PPP1R3A: variants seen among roughly 807,000 people sequenced by gnomAD.
PPP1R3A encodes RG1.
In PPP1R3A, 29 loss-of-function variants were observed where a neutral mutation model predicts 41.7. The observed-to-expected ratio is 0.70, with a 90% confidence interval of 0.52 to 0.95. The LOEUF (loss-of-function observed/expected upper bound fraction) is 0.95. Ranked by LOEUF, PPP1R3A falls within the 40% of genes least tolerant of loss-of-function variation. The pLI is 0.00. For synonymous variants in PPP1R3A, 485 were observed against 453.4 expected, an observed-to-expected ratio of 1.07 and a Z score of -0.89; for missense variants, 1,352 against 1,292.4, an observed-to-expected ratio of 1.05 and a Z score of -0.71.
chr7:113,880,143 A>G lies in PPP1R3A; in HGVS notation c.967-18T>C, dbSNP rs763715418. ...TGATTTATCTTATGGGATAAAAACAACAAAGAAATAATGACCATAAGATCT... is the reference window on the plus strand; with the variant it reads ...TGATTTATCTTATGGGATAAAAACAGCAAAGAAATAATGACCATAAGATCT... On this transcript the variant is annotated intron_variant, in intron 3 of 3. Transcript: ENST00000284601. The G allele has an allele frequency of 7.7e-6, 12 of 1,562,706 alleles. No individual in the cohort carries two copies. The African/African-American group carries it at 9.5e-5, about 12-fold the overall frequency.
At chr7:113,906,489 T>A (rs1334719972) in intron 1 of PPP1R3A, among the ~76,000 whole-genome samples, 1 of 151,702 alleles carries the variant, frequency 6.6e-6, no homozygotes, top group Non-Finnish European at 1.5e-5. Flanking sequence ...AAACAAAATA[T>A]AAGATATAAG....
chr7:113,879,493 AT>A lies in PPP1R3A; in HGVS notation c.1598del (p.Asn533IlefsTer18). The A allele has an allele frequency of 6.2e-7, 1 of 1,612,960 alleles. No individual in the cohort carries two copies. Among genetic ancestry groups the A allele is most frequent in the East Asian group, 2.2e-5 (1 of 44,808 alleles). On this transcript the variant is annotated frameshift_variant, in exon 4 of 4. Transcript: ENST00000284601. LOFTEE classifies it low-confidence loss of function (END_TRUNC). ...YLGVNEKQRK[N>X]FQTILHDQER... ...CTTGGTCATGTAAGATTGTTTGGAA[AT>A]TTTTTCTTTGTTTTTCATTAACACC...
At chr7:113,906,542 A>G in intron 1 of PPP1R3A, among the ~76,000 whole-genome samples, 1 of 151,706 alleles carries the variant, frequency 6.6e-6, no homozygotes, top group Non-Finnish European at 1.5e-5. Context: ...TTTGACTTGG[A>G]ACATAAAGTA....
chr7:113,896,045 T>C (rs752595486), intron 1 of PPP1R3A, among the ~76,000 whole-genome samples: 2 of 151,894 alleles, frequency 1.3e-5, no homozygotes, highest in South Asian at 2.1e-4. Flanking sequence ...ATGCGGATCA[T>C]TGACATGATA....
In PPP1R3A at chr7:113,878,991, C is replaced by A; in HGVS notation, c.2101G>T (p.Glu701Ter). Residue 701 changes from glutamate (E) to a stop codon, truncating the protein, a stop_gained, in exon 4 of 4, where the codon GAA becomes TAA. Coordinates refer to ENST00000284601, the MANE Select transcript of PPP1R3A (RefSeq NM_002711.4). LOFTEE classifies it low-confidence loss of function (END_TRUNC). ...ACTGTTTCTTGGCAGGTAAACAATT[C>A]TTCTGTAGTAGCTTTCAAACTCCTC... Reference protein sequence around the residue: ...NTRSLKATTEELFTCQETVCC... With the variant: ...NTRSLKATTE The A allele has an allele frequency of 6.2e-7, 1 of 1,613,432 alleles. No homozygotes were observed. The highest frequency in any genetic ancestry group is 8.5e-7 in the Non-Finnish European group (1 of 1,179,808).
chr7:113,917,834 T>G (rs1365658860), intron 1 of PPP1R3A, among the ~76,000 whole-genome samples: 1 of 152,094 alleles, frequency 6.6e-6, no homozygotes, highest in East Asian at 1.9e-4. Context: ...TCAAAACTGT[T>G]TCAAAGGAAA....
rs1347685890 is a variant in PPP1R3A, at chr7:113,879,881, G to A, written c.1211C>T (p.Pro404Leu). ...YSSGDDCTHQPSEETTSNMGE... is the reference protein window; with the variant it reads ...YSSGDDCTHQLSEETTSNMGE... ...CATATTTGAAGTAGTTTCCTCTGAA[G>A]GTTGATGTGTACAGTCATCTCCTGA... is the stretch of plus-strand genomic sequence containing the variant. Residue 404 changes from proline (P) to leucine (L), a missense_variant, in exon 4 of 4, where the codon CCT (proline) becomes CTT (leucine). Coordinates refer to ENST00000284601, the MANE Select transcript of PPP1R3A (RefSeq NM_002711.4). 1.9e-6 allele frequency: 3 copies of A among 1,613,428 alleles called. No homozygotes were observed. Among genetic ancestry groups the A allele is most frequent in the Non-Finnish European group, 2.5e-6 (3 of 1,179,694 alleles).
intron 3 of PPP1R3A, 22 bp from the exon 4 acceptor site, chr7:113,880,147 A>G (rs1219363243): frequency 1.3e-6 from 2 of 1,556,114 alleles, no homozygotes; most frequent in Non-Finnish European, 1.8e-6. Context: ...AAAACAACAA[A>G]GAAATAATGA....
chr7:113,901,094 CTAGAG>C (rs986958384), intron 1 of PPP1R3A, among the ~76,000 whole-genome samples: 5 of 151,546 alleles, frequency 3.3e-5, no homozygotes, highest in African/African-American at 4.8e-5. Context: ...AAGAAGGCAG[CTAGAG>C]TAAAGGTGAA....
intron 3 of PPP1R3A, among the ~76,000 whole-genome samples, chr7:113,880,969 G>A (rs1796683368): frequency 6.6e-6 from 1 of 152,002 alleles, no homozygotes. Context: ...TTTATTGGAT[G>A]TACAATCTCA....
At chr7:113,882,358 G>T in intron 1 of PPP1R3A, 38 bp from the exon 2 acceptor site, 1 of 1,230,076 alleles carries the variant, frequency 8.1e-7, no homozygotes. Flanking sequence ...TGTTTTTCTG[G>T]GACTGCATCT....
At position 113,877,842 on chromosome 7, in the gene PPP1R3A, T is replaced by C. The variant is rs1796595933; in HGVS notation, c.3250A>G (p.Ile1084Val). Residue 1084 changes from isoleucine (I) to valine (V), a missense_variant, in exon 4 of 4, where the codon ATA becomes GTA. Physicochemically the swap from Ile to Val is conservative, Grantham distance 29. Coordinates refer to ENST00000284601, the MANE Select transcript of PPP1R3A (RefSeq NM_002711.4). ...TAATGGTAGACAGTTATAAGAAATATCAGAAACAAAAGGAAATAAGGTATT... is the reference window on the plus strand; with the variant it reads ...TAATGGTAGACAGTTATAAGAAATACCAGAAACAAAAGGAAATAAGGTATT... ...SKIPYFLLFL[I>V]FLITVYHYDL... 6.2e-7 allele frequency: 1 copy of C among 1,610,280 alleles called. No individual in the cohort carries two copies. Among genetic ancestry groups the C allele is most frequent in the Non-Finnish European group, 8.5e-7 (1 of 1,177,082 alleles).
chr7:113,902,087 G>C (rs1797070947), intron 1 of PPP1R3A, among the ~76,000 whole-genome samples: 1 of 151,726 alleles, frequency 6.6e-6, no homozygotes, highest in Admixed American at 6.6e-5. Context: ...GTCTCTTAAT[G>C]TTGGAATCTC....
chr7:113,884,938 A>T (rs1796757100), intron 1 of PPP1R3A, among the ~76,000 whole-genome samples: 1 of 152,178 alleles, frequency 6.6e-6, no homozygotes, highest in South Asian at 2.1e-4. Context: ...GACGGTCAGC[A>T]TTATTAGAGA....
Position 113,878,422 on chromosome 7 carries a change from C to A in PPP1R3A, c.2670G>T (p.Lys890Asn), listed in dbSNP as rs1431447295. 3 of 1,611,684 alleles carry A rather than the reference C, an allele frequency of 1.9e-6. No individual in the cohort carries two copies. The highest frequency in any genetic ancestry group is 2.5e-6 in the Non-Finnish European group (3 of 1,179,656). ...RDLRQVQELS[K>N]KTDSDAIVHS... ...GCACAATGGCATCCGAGTCTGTTTT[C>A]TTTGATAATTCTTGAACCTGCCTAA... The change falls in exon 4 of 4, where the codon AAG (lysine) becomes AAT (asparagine). Residue 890 changes from lysine to asparagine, a missense_variant. Physicochemically the swap from Lys to Asn is moderately conservative, Grantham distance 94. Transcript: ENST00000284601.
chr7:113,878,716 T>A lies in PPP1R3A; in HGVS notation c.2376A>T (p.Thr792=), dbSNP rs747404889. The change falls in exon 4 of 4, where the codon ACA becomes ACT. Residue 792 remains threonine (T), a synonymous_variant. Transcript: ENST00000284601. Reference sequence around the variant, plus strand: ...AATCATTGTCATAGATTACACCTACTGTATCTCGTTGACAAAGGGTATAAT... The same window carrying A: ...AATCATTGTCATAGATTACACCTACAGTATCTCGTTGACAAAGGGTATAAT... The part of the protein sequence containing the change: ...DSHYTLCQRD[T]VGVIYDNDFE... 6 of 1,613,414 alleles carry A rather than the reference T, an allele frequency of 3.7e-6. No individual in the cohort carries two copies. The South Asian group carries it at 6.6e-5, about 18-fold the overall frequency.
intron 1 of PPP1R3A, among the ~76,000 whole-genome samples, chr7:113,897,565 GA>G (rs11336103): frequency 0.95 from 137,430 of 144,252 alleles, 65,691 homozygotes; most frequent in East Asian, 1. Flanking sequence ...TCTCTTAAAG[GA>G]AAAAAAAAAA....
chr7:113,884,176 A>G (rs1480458495), intron 1 of PPP1R3A, among the ~76,000 whole-genome samples: 1 of 152,052 alleles, frequency 6.6e-6, no homozygotes, highest in Non-Finnish European at 1.5e-5. Flanking sequence ...GTTCATAGAT[A>G]GAAAATATTA....
At chr7:113,884,086 A>G (rs1003000880) in intron 1 of PPP1R3A, among the ~76,000 whole-genome samples, 3 of 151,980 alleles carry the variant, frequency 2.0e-5, no homozygotes, top group Admixed American at 2.0e-4. Context: ...AACAGAAAAT[A>G]CGTAAGATTT....
Sources: gnomAD v4.1 joint callset for allele counts (sites outside exome capture counted in the v4.1 genomes callset) on GRCh38, gnomAD v4.1.1 for gene constraint, MANE v1.5 for transcripts, NCBI Gene and HGNC (gene_info 2026-07-23, HGNC 2026-07-21) for gene names.